TMPRSS3: variants seen among roughly 807,000 people sequenced by gnomAD.
The protein encoded by TMPRSS3 is transmembrane protease serine 3.
TMPRSS3 carries 55 observed loss-of-function variants against 59.6 expected under a neutral mutation model. The ratio of observed to expected loss-of-function variants is 0.92; its 90% CI spans 0.74 to 1.16. TMPRSS3 has a LOEUF of 1.16. TMPRSS3 is among the 50% of genes most tolerant of loss of function. The pLI is 0.00. For missense variants in TMPRSS3, 596 were observed against 579.4 expected (o/e 1.03, Z -0.29); for synonymous variants, 257 against 237.7 (o/e 1.08, Z -0.75).
At chr21:42,378,807 T>C (rs1109295) in intron 10 of TMPRSS3, among the ~76,000 whole-genome samples, 21,783 of 152,172 alleles carry the variant, frequency 0.14, 1,964 homozygotes, top group East Asian at 0.27. Flanking sequence ...AGCTTAGAAT[T>C]CCTGGGCTCA....
intron 5 of TMPRSS3, among the ~76,000 whole-genome samples, chr21:42,386,877 T>C (rs555452764): frequency 1.3e-3 from 198 of 152,032 alleles, no homozygotes; most frequent in Non-Finnish European, 1.5e-3. Flanking sequence ...TAAGGAGAAT[T>C]TAAGAAAATA....
At chr21:42,395,541 C>T (rs1039520765) in intron 1 of TMPRSS3, 73 bp from the exon 2 acceptor site, 17 of 870,638 alleles carry the variant, frequency 2.0e-5, no homozygotes, top group African/African-American at 1.7e-4. Context: ...CTTGGTCATA[C>T]GGTAAATCTT....
At position 42,382,849 on chromosome 21, in the gene TMPRSS3, A is replaced by C. The variant is rs190417194; in HGVS notation, c.782+184T>G. ...TCCTTAAAACAAGCTCAGGGTCACA[A>C]GTTACCCCCAGCTGATGATGATGGG... On this transcript the variant is annotated intron_variant, in intron 8 of 12. Transcript: ENST00000644384. 2.5e-5 allele frequency: 18 copies of C among 715,610 alleles called. No individual in the cohort carries two copies. The East Asian group carries it at 4.9e-4, about 19-fold the overall frequency. The allele number at this position is 715,610 out of a possible 1,614,324, so 44.3% of individuals were successfully genotyped here. A position where few individuals can be genotyped will look rare whatever the true frequency, so the allele number is the denominator to read the frequency against.
In TMPRSS3 at chr21:42,376,761, G is replaced by A. The variant is rs918764124; in HGVS notation, c.1049-78C>T. On this transcript the variant is annotated intron_variant, in intron 10 of 12. Coordinates refer to ENST00000644384, the MANE Select transcript of TMPRSS3 (RefSeq NM_001256317.3). Reference sequence around the variant, plus strand: ...CACAGAAGGCGCATGCTGAGACCAGGGGGGTGAGGGAACGAGGGACGAGGG... The same window carrying A: ...CACAGAAGGCGCATGCTGAGACCAGAGGGGTGAGGGAACGAGGGACGAGGG... 300 of 1,605,298 alleles carry A rather than the reference G, an allele frequency of 1.9e-4. No individual in the cohort carries two copies. The African/African-American group carries it at 3.4e-3, about 18-fold the overall frequency.
chr21:42,373,209 C>T lies in TMPRSS3; in HGVS notation c.1345-430G>A, dbSNP rs529676032. 3.9e-5 allele frequency among the ~76,000 whole-genome samples: 6 copies of T among 152,336 alleles called. No homozygotes were observed. The East Asian group carries it at 5.8e-4, about 15-fold the overall frequency. On this transcript the variant is annotated intron_variant, in intron 12 of 12. Transcript: ENST00000644384. Reference sequence around the variant, plus strand: ...ACAGTGAGTCTTCCAAAGGCCCTCACGTTGACTTTCCTCACAATGGACAAC... The same window carrying T: ...ACAGTGAGTCTTCCAAAGGCCCTCATGTTGACTTTCCTCACAATGGACAAC...
At chr21:42,390,351 C>T (rs1601533284) in intron 2 of TMPRSS3, 1 of 372,452 alleles carries the variant, frequency 2.7e-6, no homozygotes, top group East Asian at 6.5e-5. Flanking sequence ...TTGGAGATGG[C>T]CTGGAGAGTC....
chr21:42,388,600 C>A lies in TMPRSS3; in HGVS notation c.323-74G>T. ...GAGACCATAGGCAGGGGTTTCTCCA[C>A]AGCCAGCTCAAACCCCTCCTCTGCC... On this transcript the variant is annotated intron_variant, in intron 4 of 12. Transcript: ENST00000644384. This position sits in a 1 kb window ranked among gnomAD's most constrained non-coding sequence, Gnocchi z 5.1. 1.9e-6 allele frequency: 3 copies of A among 1,609,254 alleles called. No individual in the cohort carries two copies. In the South Asian group the frequency reaches 3.3e-5, roughly 18 times the overall value.
chr21:42,386,622 C>T (rs973054651), intron 5 of TMPRSS3, among the ~76,000 whole-genome samples: 1 of 152,218 alleles, frequency 6.6e-6, no homozygotes, highest in Non-Finnish European at 1.5e-5. Context: ...CCCTTCCACA[C>T]TCACAGCGTC....
At chr21:42,390,500 G>A (rs1335673075) in intron 2 of TMPRSS3, 1 of 198,468 alleles carries the variant, frequency 5.0e-6, no homozygotes, top group Admixed American at 5.3e-5. Context: ...AGCCAAAGCG[G>A]GTGGATCACC....
At chr21:42,385,273 A>C (rs9984851) in intron 6 of TMPRSS3, 136 bp downstream of exon 6, 1 of 1,192,744 alleles carries the variant, frequency 8.4e-7, no homozygotes, top group East Asian at 2.4e-5. Context: ...CAGTCTCATC[A>C]AGGTGGCCAA....
At chr21:42,379,680 C>T (rs1236670219) in intron 10 of TMPRSS3, among the ~76,000 whole-genome samples, 1 of 152,140 alleles carries the variant, frequency 6.6e-6, no homozygotes, top group Non-Finnish European at 1.5e-5. Context: ...GCGATCTCAT[C>T]TGCTGCTGCT....
chr21:42,383,244 T>C (rs763056350), intron 7 of TMPRSS3, 46 bp from the exon 8 acceptor site: 3 of 1,605,190 alleles, frequency 1.9e-6, no homozygotes, highest in South Asian at 2.2e-5. Context: ...GCAGACTTCT[T>C]TGGGGGACAT....
chr21:42,377,946 A>G (rs574407826), intron 10 of TMPRSS3, among the ~76,000 whole-genome samples: 22 of 152,362 alleles, frequency 1.4e-4, no homozygotes, highest in Admixed American at 1.3e-3. Context: ...ATCTCCTGGG[A>G]GGATGAAGCT....
chr21:42,384,156 CAAAAAAA>C lies in TMPRSS3; in HGVS notation c.573-150_573-144del, dbSNP rs10670677. The C allele has an allele frequency of 5.3e-6, 3 of 563,440 alleles. No homozygotes were observed. In the African/African-American group the frequency reaches 6.1e-5, roughly 11 times the overall value. 34.9% of individuals were successfully genotyped at this position (563,440 alleles called of 1,614,324 possible). On this transcript the variant is annotated intron_variant, in intron 6 of 12. Transcript: ENST00000644384. The stretch of plus-strand genomic sequence containing the variant: ...ATAGATTACAATTTTAGTCTATGTT[CAAAAAAA>C]AAAAAAACCATGAGGATGAGGTCAC...
rs1004024332 is a variant in TMPRSS3, at chr21:42,375,988, T to C, written c.1192-120A>G. The C allele has an allele frequency of 1.0e-5, 13 of 1,297,926 alleles. No homozygotes were observed. In the African/African-American group the frequency reaches 1.7e-4, roughly 17 times the overall value. The allele number at this position is 1,297,926 out of a possible 1,614,324, so 80.4% of individuals were successfully genotyped here. Reference sequence around the variant, plus strand: ...GGAGTTGGGACCCCCCTTCATGATGTCCCAATGGATGACCCAGGTTACAGA... The same window carrying C: ...GGAGTTGGGACCCCCCTTCATGATGCCCCAATGGATGACCCAGGTTACAGA... On this transcript the variant is annotated intron_variant, in intron 11 of 12. Transcript: ENST00000644384.
intron 8 of TMPRSS3, 36 bp downstream of exon 8, chr21:42,382,997 G>A: frequency 1.2e-6 from 2 of 1,612,914 alleles, no homozygotes; most frequent in Non-Finnish European, 1.7e-6. Flanking sequence ...ACCCAGGAGT[G>A]AACAGGGGTC....
At position 42,382,982 on chromosome 21, in the gene TMPRSS3, A is replaced by T. The variant is rs773931262; in HGVS notation, c.782+51T>A. 66 of 1,610,642 alleles carry T rather than the reference A, an allele frequency of 4.1e-5. 1 individual carries two copies. The highest frequency in any genetic ancestry group is 2.3e-4 in the South Asian group (21 of 90,980). Reference sequence around the variant, plus strand: ...CACCACCCAAAGCAGCCCCACCCTGACATGACCCAGGAGTGAACAGGGGTC... The same window carrying T: ...CACCACCCAAAGCAGCCCCACCCTGTCATGACCCAGGAGTGAACAGGGGTC... On this transcript the variant is annotated intron_variant, in intron 8 of 12. Transcript: ENST00000644384.
chr21:42,385,544 C>T lies in TMPRSS3; in HGVS notation c.447-10G>A. 1 of 1,614,110 alleles carries T rather than the reference C, an allele frequency of 6.2e-7. No individual in the cohort carries two copies. Among genetic ancestry groups the T allele is most frequent in the South Asian group, 1.1e-5 (1 of 91,084 alleles). ...ATCTGAACTCACATAGCTGCAAGCA[C>T]ATTGGAAAGACAGACCCGACGTGGT... On this transcript the variant is annotated splice_polypyrimidine_tract_variant and intron_variant, in intron 5 of 12. Coordinates refer to ENST00000644384, the MANE Select transcript of TMPRSS3 (RefSeq NM_001256317.3).
intron 5 of TMPRSS3, among the ~76,000 whole-genome samples, chr21:42,387,288 C>G (rs974564970): frequency 6.6e-6 from 1 of 152,000 alleles, no homozygotes; most frequent in South Asian, 2.1e-4. Flanking sequence ...AGGAGGCCCC[C>G]CAACACCCCC....
Sources: allele counts gnomAD v4.1 joint callset (sites outside exome capture counted in the v4.1 genomes callset), GRCh38; gene constraint gnomAD v4.1.1; non-coding constraint Gnocchi (gnomAD v3.1); transcripts MANE v1.5; gene names NCBI Gene and HGNC (gene_info 2026-07-23, HGNC 2026-07-21).